The following TBCB variants were observed in gnomAD, a reference collection of about 807,000 sequenced individuals.
TBCB encodes the protein tubulin folding cofactor B.
TBCB carries 18 observed loss-of-function variants against 29.2 expected under a neutral mutation model. The ratio of observed to expected loss-of-function variants is 0.62; its 90% CI spans 0.43 to 0.91. TBCB has a LOEUF of 0.91. Ranked by LOEUF, TBCB falls within the 40% of genes least tolerant of loss-of-function variation. The probability of loss-of-function intolerance (pLI) is 0.00; values close to 1 mark genes in which losing one functional copy is unlikely to be tolerated. For synonymous variants in TBCB, 172 were observed against 137.8 expected, an observed-to-expected ratio of 1.25 and a Z score of -1.74; for missense variants, 336 against 337.6, an observed-to-expected ratio of 1.00 and a Z score of 0.04.
chr19:36,120,586 G>C (rs1434351085), intron 2 of TBCB, 124 bp from the exon 3 acceptor site: 5 of 733,322 alleles, frequency 6.8e-6, no homozygotes, highest in East Asian at 5.3e-5. Flanking sequence ...AGAAGAGAAG[G>C]CTGCAGTACA....
rs773048188 is a variant in TBCB at position 36,121,762 on chromosome 19, G to A, written c.547+44G>A. 19 of 1,547,706 alleles carry A rather than the reference G, an allele frequency of 1.2e-5. No individual in the cohort carries two copies. In the East Asian group the frequency reaches 4.6e-4, roughly 38 times the overall value. On this transcript the variant is annotated intron_variant, in intron 4 of 5. Coordinates refer to ENST00000221855, the MANE Select transcript of TBCB (RefSeq NM_001281.3). ...CGGTCCCGGGCTCCAGGGCTCCAAG[G>A]CCGGGAGGAAATGTTGGGGGCACAG...
chr19:36,115,036 A>T, upstream of TBCB: 5 of 622,004 alleles, frequency 8.0e-6, no homozygotes, highest in Non-Finnish European at 1.4e-5. Context: ...GCTTGCTTCA[A>T]TCTTTTGATA....
chr19:36,123,254 CTTTTTTT>C (rs201890657), intron 4 of TBCB, among the ~76,000 whole-genome samples: 21,955 of 131,418 alleles, frequency 0.17, 1,954 homozygotes, highest in Non-Finnish European at 0.22. Flanking sequence ...GAACCTTCTT[CTTTTTTT>C]TTTTTTTTTT....
At chr19:36,121,787 G>C in intron 4 of TBCB, 69 bp downstream of exon 4, 1 of 1,537,938 alleles carries the variant, frequency 6.5e-7, no homozygotes, top group Non-Finnish European at 8.8e-7. Context: ...TGGGGGCACA[G>C]TGGAGCCTCG....
rs1399956029 is a variant in TBCB at position 36,125,438 on chromosome 19, C to T, written c.548-13C>T. The T allele has an allele frequency of 6.2e-7, 1 of 1,614,020 alleles. No individual in the cohort carries two copies. On this transcript the variant is annotated splice_polypyrimidine_tract_variant and intron_variant, in intron 4 of 5. Transcript: ENST00000221855. The stretch of plus-strand genomic sequence containing the variant: ...GTCCAGAAGCTTCACAGGGATTTCT[C>T]TTCTGTTGGCAGGTCTCACAGATTT...
chr19:36,115,907 C>A, intron 1 of TBCB, 134 bp from the exon 2 acceptor site: 1 of 1,337,834 alleles, frequency 7.5e-7, no homozygotes, highest in Non-Finnish European at 1.0e-6. Flanking sequence ...GGGCAAGAGG[C>A]GAGGGGCTGG....
At chr19:36,123,692 T>C (rs1307840290) in intron 4 of TBCB, among the ~76,000 whole-genome samples, 2 of 152,110 alleles carry the variant, frequency 1.3e-5, no homozygotes, top group African/African-American at 2.4e-5. Context: ...CTGGCCAACA[T>C]GGTGAAACCC....
At chr19:36,115,319 C>G, upstream of TBCB, 1 of 562,114 alleles carries the variant, frequency 1.8e-6, no homozygotes, top group Admixed American at 3.4e-5. Flanking sequence ...TTGGAAGAAC[C>G]GTGAACTATG....
At position 36,125,764 on chromosome 19, in the gene TBCB, C is replaced by T. The variant is rs763191211; in HGVS notation, c.717C>T (p.Tyr239=). 99 of 1,542,770 alleles carry T rather than the reference C, an allele frequency of 6.4e-5. No individual in the cohort carries two copies. The highest frequency in any genetic ancestry group is 6.5e-5 in the Non-Finnish European group (74 of 1,145,296). The change falls in exon 6 of 6, where the codon TAC becomes TAT. Residue 239 remains tyrosine, a synonymous_variant. Transcript: ENST00000221855. ...TGGGGGACTTCCCGGAGGAGGACTA[C>T]GGGTTGGACGAGATATGACACCTAA... ...VTVGDFPEED[Y]GLDEI
chr19:36,121,881 A>G, intron 4 of TBCB, 163 bp downstream of exon 4: 1 of 897,180 alleles, frequency 1.1e-6, no homozygotes, highest in Admixed American at 2.4e-5. Flanking sequence ...CCATCTGCCG[A>G]CACTGACGGC....
chr19:36,119,253 C>T (rs1427598085), intron 2 of TBCB, among the ~76,000 whole-genome samples: 10 of 152,164 alleles, frequency 6.6e-5, no homozygotes, highest in Admixed American at 6.5e-4. Flanking sequence ...TGTGAAAATT[C>T]TCAACAGAAA....
At chr19:36,124,932 A>G (rs2145911760) in intron 4 of TBCB, among the ~76,000 whole-genome samples, 1 of 152,100 alleles carries the variant, frequency 6.6e-6, no homozygotes, top group South Asian at 2.1e-4. Flanking sequence ...CCCACTTTGT[A>G]ATGGGATTTT....
chr19:36,123,331 G>C (rs1353544870), intron 4 of TBCB, among the ~76,000 whole-genome samples: 1 of 147,456 alleles, frequency 6.8e-6, no homozygotes, highest in African/African-American at 2.5e-5. Flanking sequence ...GCACAATCTC[G>C]GCCATTTCAG....
At chr19:36,115,441 T>G (rs1000451021), upstream of TBCB, 3 of 706,590 alleles carry the variant, frequency 4.2e-6, no homozygotes, top group Non-Finnish European at 4.8e-6. Flanking sequence ...AGAGCGCGGA[T>G]TGGTCAGGCA....
At chr19:36,119,101 C>G (rs1974002913) in intron 2 of TBCB, among the ~76,000 whole-genome samples, 1 of 152,200 alleles carries the variant, frequency 6.6e-6, no homozygotes, top group Non-Finnish European at 1.5e-5. Context: ...ACAGGCGGTT[C>G]AGGTACACAC....
chr19:36,115,000 G>C (rs1038827707), upstream of TBCB: 2 of 754,694 alleles, frequency 2.7e-6, no homozygotes, highest in African/African-American at 3.5e-5. This position sits in a 1 kb window ranked among gnomAD's most constrained non-coding sequence, Gnocchi z 4.5. Context: ...CCTCGGGCTC[G>C]GCTCTCTCCG....
intron 4 of TBCB, among the ~76,000 whole-genome samples, chr19:36,122,571 CAAA>C (rs759711385): frequency 7.6e-5 from 7 of 91,560 alleles, no homozygotes; most frequent in Admixed American, 2.5e-4. Context: ...CCTGTCTCTA[CAAA>C]AAAAAAAAAA....
chr19:36,120,424 G>A (rs1385626513), intron 2 of TBCB: 1 of 450,744 alleles, frequency 2.2e-6, no homozygotes, highest in Admixed American at 3.5e-5. Context: ...TCTGCCGGTT[G>A]GACTCTGTGA....
rs1599861575 is a variant in TBCB, at chr19:36,115,517, G to C, written c.-44G>C. The C allele has an allele frequency of 1.4e-6, 2 of 1,480,662 alleles. No individual in the cohort carries two copies. The highest frequency in any genetic ancestry group is 4.9e-5 in the East Asian group (2 of 40,548). The allele number at this position is 1,480,662 out of a possible 1,614,324, so 91.7% of individuals were successfully genotyped here. On this transcript the variant is annotated 5_prime_UTR_variant, in exon 1 of 6. Transcript: ENST00000221855. ...GCGGCGGCGGCTGCGGAGCGGGTGT[G>C]AGGCGGCTGGACCGCGCTGCAGGCA...
Sources: allele counts gnomAD v4.1 joint callset (sites outside exome capture counted in the v4.1 genomes callset), GRCh38; gene constraint gnomAD v4.1.1; non-coding constraint Gnocchi (gnomAD v3.1); transcripts MANE v1.5; gene names NCBI Gene and HGNC (gene_info 2026-07-23, HGNC 2026-07-21).